Variants in TAFA1 observed in about 807,000 individuals in gnomAD.
The protein encoded by TAFA1 is TAFA chemokine like family member 1.
TAFA1 carries 4 observed loss-of-function variants against 18.5 expected under a neutral mutation model. That is an observed-to-expected ratio of 0.22 (90% CI 0.11 to 0.49). The LOEUF (loss-of-function observed/expected upper bound fraction) is 0.49, where lower values mean the gene tolerates loss of function less well. Among genes scored for constraint, TAFA1 ranks in the 20% least tolerant of loss-of-function variants. The pLI, the probability that TAFA1 is intolerant of heterozygous loss-of-function variation, is 0.98. For missense variants in TAFA1, 147 were observed against 169.0 expected, an observed-to-expected ratio of 0.87 and a Z score of 0.72; for synonymous variants, 56 against 55.2, an observed-to-expected ratio of 1.01 and a Z score of -0.06.
At position 68,131,450 on chromosome 3, in the gene TAFA1, G is replaced by A. The variant is rs568221447; in HGVS notation, c.118+124706G>A. On this transcript the variant is annotated intron_variant, in intron 2 of 4. Coordinates refer to ENST00000478136, the MANE Select transcript of TAFA1 (RefSeq NM_213609.4). ...AAGAGCACCGTTTAATTACCTTCAA[G>A]TATTACCCTTCCTGCATCCTTATTT... Among the ~76,000 whole-genome samples the A allele has an allele frequency of 3.9e-5, 6 of 152,258 alleles. No homozygotes were observed. The South Asian group carries it at 1.2e-3, about 32-fold the overall frequency.
At chr3:68,315,716 G>A (rs2068595537) in intron 2 of TAFA1, among the ~76,000 whole-genome samples, 1 of 152,182 alleles carries the variant, frequency 6.6e-6, no homozygotes, top group African/African-American at 2.4e-5. Flanking sequence ...ATGCTCCAGA[G>A]AAATAATCTT....
intron 2 of TAFA1, among the ~76,000 whole-genome samples, chr3:68,265,733 G>A (rs1003345096): frequency 2.6e-5 from 4 of 152,086 alleles, no homozygotes; most frequent in African/African-American, 4.8e-5. Context: ...ACTCAGATCC[G>A]TTCATTCCCC....
At chr3:68,432,746 T>C (rs1242108006) in intron 3 of TAFA1, among the ~76,000 whole-genome samples, 1 of 151,990 alleles carries the variant, frequency 6.6e-6, no homozygotes, top group Non-Finnish European at 1.5e-5. Context: ...AAGACACTCA[T>C]TTTCCAAGCT....
chr3:68,127,810 GTGGTGGTGGTGA>G (rs1210384040), intron 2 of TAFA1, among the ~76,000 whole-genome samples: 2 of 147,670 alleles, frequency 1.4e-5, no homozygotes, highest in Non-Finnish European at 3.0e-5. Context: ...GGCAGTGGTG[GTGGTGGTGGTGA>G]TGGTGGTGGT....
intron 2 of TAFA1, among the ~76,000 whole-genome samples, chr3:68,191,239 C>T (rs1421115017): frequency 2.0e-5 from 3 of 151,664 alleles, no homozygotes; most frequent in African/African-American, 7.3e-5. Context: ...ACTTTTTCTT[C>T]TGATATTCCT....
chr3:68,445,283 G>A (rs771610046), intron 3 of TAFA1, among the ~76,000 whole-genome samples: 6 of 152,014 alleles, frequency 3.9e-5, no homozygotes, highest in Non-Finnish European at 8.8e-5. Flanking sequence ...AAGTGATAAC[G>A]ACCACTCCAA....
intron 2 of TAFA1, among the ~76,000 whole-genome samples, chr3:68,033,881 C>T (rs971244826): frequency 1.3e-5 from 2 of 152,170 alleles, no homozygotes; most frequent in Non-Finnish European, 2.9e-5. Flanking sequence ...CCCATATCAC[C>T]TTTCACTTAG....
At chr3:68,397,271 C>T (rs950088515) in intron 2 of TAFA1, among the ~76,000 whole-genome samples, 2 of 152,002 alleles carry the variant, frequency 1.3e-5, no homozygotes, top group East Asian at 1.9e-4. Flanking sequence ...TTTTAAGTCC[C>T]GCATGCGTTA....
intron 2 of TAFA1, among the ~76,000 whole-genome samples, chr3:68,155,569 A>T (rs749987504): frequency 6.6e-6 from 1 of 152,080 alleles, no homozygotes; most frequent in Non-Finnish European, 1.5e-5. Flanking sequence ...GCCTTGTAGA[A>T]GTCCTGTCAC....
chr3:68,503,238 A>T (rs2072689958), intron 3 of TAFA1, among the ~76,000 whole-genome samples: 1 of 152,180 alleles, frequency 6.6e-6, no homozygotes, highest in Non-Finnish European at 1.5e-5. Flanking sequence ...CACATAAAAC[A>T]TGCGTAGGTT....
At chr3:68,050,507 A>G (rs1336415438) in intron 2 of TAFA1, among the ~76,000 whole-genome samples, 1 of 152,142 alleles carries the variant, frequency 6.6e-6, no homozygotes, top group African/African-American at 2.4e-5. Context: ...TCACTGAGTT[A>G]TTGAGAAGAT....
At chr3:68,482,502 C>G (rs1318246880) in intron 3 of TAFA1, among the ~76,000 whole-genome samples, 1 of 152,184 alleles carries the variant, frequency 6.6e-6, no homozygotes, top group Non-Finnish European at 1.5e-5. Context: ...AGAAAAGTAA[C>G]AGAGTTGTCA....
At chr3:68,362,772 G>T (rs1398808068) in intron 2 of TAFA1, among the ~76,000 whole-genome samples, 1 of 152,006 alleles carries the variant, frequency 6.6e-6, no homozygotes, top group African/African-American at 2.4e-5. Flanking sequence ...GTTGGTGGAT[G>T]ATATCACTCA....
chr3:68,458,676 T>C (rs1010488861), intron 3 of TAFA1, among the ~76,000 whole-genome samples: 1 of 152,174 alleles, frequency 6.6e-6, no homozygotes. Context: ...ACTACTGTTA[T>C]GACATTTCCA....
At chr3:68,482,076 T>C (rs1381985420) in intron 3 of TAFA1, among the ~76,000 whole-genome samples, 2 of 152,184 alleles carry the variant, frequency 1.3e-5, no homozygotes, top group Non-Finnish European at 2.9e-5. Flanking sequence ...AGTGGCGCGA[T>C]CTTGACTCAC....
At chr3:68,107,556 G>T (rs570240553) in intron 2 of TAFA1, among the ~76,000 whole-genome samples, 3 of 152,076 alleles carry the variant, frequency 2.0e-5, no homozygotes, top group Non-Finnish European at 4.4e-5. Flanking sequence ...TTGGGATCTG[G>T]TTCTACAGTA....
At chr3:67,999,685 A>T (rs1442500587), upstream of TAFA1, among the ~76,000 whole-genome samples, 1 of 151,954 alleles carries the variant, frequency 6.6e-6, no homozygotes, top group African/African-American at 2.4e-5. Context: ...TCCAACACAA[A>T]TTTAGTGGCA....
At chr3:68,240,902 C>T (rs1179771638) in intron 2 of TAFA1, among the ~76,000 whole-genome samples, 1 of 152,118 alleles carries the variant, frequency 6.6e-6, no homozygotes, top group Non-Finnish European at 1.5e-5. Context: ...TAACCATGGA[C>T]ACAGAATGGC....
chr3:68,380,791 A>G (rs1441360854), intron 2 of TAFA1, among the ~76,000 whole-genome samples: 1 of 151,268 alleles, frequency 6.6e-6, no homozygotes, highest in Non-Finnish European at 1.5e-5. Context: ...CCATTTGTCA[A>G]TTTTGGCTTT....
Sources: gnomAD v4.1 joint callset for allele counts (sites outside exome capture counted in the v4.1 genomes callset) on GRCh38, gnomAD v4.1.1 for gene constraint, MANE v1.5 for transcripts, NCBI Gene and HGNC (gene_info 2026-07-23, HGNC 2026-07-21) for gene names.